UNC5A: variants seen among roughly 807,000 people sequenced by gnomAD.
UNC5A encodes the protein netrin receptor UNC5A.
Under a neutral mutation model 87.4 loss-of-function variants are expected in UNC5A, and 20 were observed. The observed-to-expected ratio is 0.23, with a 90% CI of 0.16 to 0.33. The LOEUF is 0.33. Ranked by LOEUF, UNC5A falls within the 10% of genes least tolerant of loss-of-function variation. UNC5A has a pLI of 1.00. For missense variants in UNC5A, 844 were observed against 1,133.4 expected, an observed-to-expected ratio of 0.74 and a Z score of 3.67; for synonymous variants, 438 against 482.3, an observed-to-expected ratio of 0.91 and a Z score of 1.20.
At chr5:176,868,488 C>A in intron 3 of UNC5A, 73 bp from the exon 4 acceptor site, 1 of 1,510,494 alleles carries the variant, frequency 6.6e-7, no homozygotes, top group Non-Finnish European at 9.0e-7. Context: ...CCCTGCAGGA[C>A]AAGGGACACA....
intron 1 of UNC5A, among the ~76,000 whole-genome samples, chr5:176,817,123 C>T (rs1756607457): frequency 6.6e-6 from 1 of 152,210 alleles, no homozygotes; most frequent in Non-Finnish European, 1.5e-5. Flanking sequence ...GAGGCCCCTG[C>T]TTCTGTGCTG....
chr5:176,858,976 C>T (rs897399447), intron 1 of UNC5A, among the ~76,000 whole-genome samples: 2 of 152,146 alleles, frequency 1.3e-5, no homozygotes, highest in East Asian at 1.9e-4. Context: ...ACAGTGAGCT[C>T]GGGGGCCAGA....
chr5:176,868,322 C>T (rs367946633), intron 3 of UNC5A, 49 bp downstream of exon 3: 88 of 1,608,082 alleles, frequency 5.5e-5, no homozygotes, highest in African/African-American at 3.9e-4. Context: ...GGGAGGGTGT[C>T]ACCAGGAGAG....
intron 9 of UNC5A, 123 bp downstream of exon 9, chr5:176,877,402 C>T: frequency 7.5e-7 from 1 of 1,331,172 alleles, no homozygotes; most frequent in African/African-American, 1.5e-5. Context: ...AGAGCTATGC[C>T]TAAGCCCCAC....
rs1758226527 is a variant in UNC5A at position 176,875,032 on chromosome 5, G to A, written c.1378+466G>A. Among the ~76,000 whole-genome samples the A allele has an allele frequency of 6.6e-6, 1 of 152,124 alleles. No individual in the cohort carries two copies. Among genetic ancestry groups the A allele is most frequent in the South Asian group, 2.1e-4 (1 of 4,822 alleles). On this transcript the variant is annotated intron_variant, in intron 8 of 14. Coordinates refer to ENST00000329542, the MANE Select transcript of UNC5A (RefSeq NM_133369.3). The surrounding 1 kb of genome is among the most constrained non-coding windows in gnomAD (Gnocchi z 5.2). ...CTTGCAAGAAGTGGCTGCAGCCTCT[G>A]GCATGGCTGGCCACTCCCACCCGAA...
At position 176,874,697 on chromosome 5, in the gene UNC5A, G is replaced by C. The variant is rs1046280819; in HGVS notation, c.1378+131G>C. 2.7e-6 allele frequency: 3 copies of C among 1,113,570 alleles called. No individual in the cohort carries two copies. The African/African-American group carries it at 4.8e-5, about 18-fold the overall frequency. 69.0% of individuals were successfully genotyped at this position (1,113,570 alleles called of 1,614,324 possible). Reference sequence around the variant, plus strand: ...CAAGGAAAGGGGGTGGAGTTTTGGGGAGAACCCAGTCTTGGCTGGCACCGA... The same window carrying C: ...CAAGGAAAGGGGGTGGAGTTTTGGGCAGAACCCAGTCTTGGCTGGCACCGA... On this transcript the variant is annotated intron_variant, in intron 8 of 14. Coordinates refer to ENST00000329542, the MANE Select transcript of UNC5A (RefSeq NM_133369.3). This position sits in a 1 kb window ranked among gnomAD's most constrained non-coding sequence, Gnocchi z 7.6.
At chr5:176,849,595 C>T (rs1757491458) in intron 1 of UNC5A, among the ~76,000 whole-genome samples, 1 of 152,168 alleles carries the variant, frequency 6.6e-6, no homozygotes, top group Admixed American at 6.5e-5. Flanking sequence ...AAAAATGGTG[C>T]ACCTCTCATC....
At chr5:176,816,818 C>T (rs952947747) in intron 1 of UNC5A, among the ~76,000 whole-genome samples, 4 of 152,236 alleles carry the variant, frequency 2.6e-5, no homozygotes, top group Admixed American at 2.6e-4. Context: ...TCCTCTCCTT[C>T]GGGAAGTGGG....
chr5:176,877,170 G>T (rs377208086), intron 8 of UNC5A, 22 bp from the exon 9 acceptor site: 1 of 1,591,162 alleles, frequency 6.3e-7, no homozygotes, highest in Non-Finnish European at 8.6e-7. Flanking sequence ...GGTAAGCCCT[G>T]GCCCTCTTCC....
At chr5:176,849,001 G>A (rs1757479324) in intron 1 of UNC5A, among the ~76,000 whole-genome samples, 1 of 152,218 alleles carries the variant, frequency 6.6e-6, no homozygotes. Context: ...GGGCTCTGAT[G>A]AGGAGGGTTC....
In UNC5A at chr5:176,865,332, G is replaced by T. The variant is rs1293765895; in HGVS notation, c.292+2487G>T. Among the ~76,000 whole-genome samples, 1 of 152,176 alleles carries T rather than the reference G, an allele frequency of 6.6e-6. No homozygotes were observed. The highest frequency in any genetic ancestry group is 1.5e-5 in the Non-Finnish European group (1 of 68,032). ...CTGAAACACCCCTGCCATTATGAGG[G>T]CTCAGATCCATGGACTGGCAGGAAC... On this transcript the variant is annotated intron_variant, in intron 2 of 14. Coordinates refer to ENST00000329542, the MANE Select transcript of UNC5A (RefSeq NM_133369.3). The surrounding 1 kb of genome is among the most constrained non-coding windows in gnomAD (Gnocchi z 5.3).
rs546467991 is a variant in UNC5A, at chr5:176,836,145, A to T, written c.70+25325A>T. ...GGACAGAGAATGGCCAGCAGGCTTT[A>T]GTCTGGGGAGAATGATATGGACGAA... On this transcript the variant is annotated intron_variant, in intron 1 of 14. Transcript: ENST00000329542. Among the ~76,000 whole-genome samples the T allele has an allele frequency of 3.3e-4, 50 of 152,310 alleles. 1 individual carries two copies. The South Asian group carries it at 9.3e-3, about 28-fold the overall frequency.
intron 10 of UNC5A, 55 bp from the exon 11 acceptor site, chr5:176,877,839 C>A: frequency 6.5e-7 from 1 of 1,540,330 alleles, no homozygotes; most frequent in South Asian, 1.2e-5. Flanking sequence ...GAAGCCACAG[C>A]TGGCCCTAGG....
intron 1 of UNC5A, among the ~76,000 whole-genome samples, chr5:176,859,668 G>A (rs1757781954): frequency 9.3e-6 from 1 of 107,790 alleles, no homozygotes; most frequent in African/African-American, 3.1e-5. Flanking sequence ...GGGCATAGCT[G>A]CTAGAATGTC....
At chr5:176,816,659 GTTTCC>G (rs1249674377) in intron 1 of UNC5A, among the ~76,000 whole-genome samples, 1 of 152,264 alleles carries the variant, frequency 6.6e-6, no homozygotes, top group Non-Finnish European at 1.5e-5. Context: ...CATGGCTTCA[GTTTCC>G]TTGTCTGTAC....
At chr5:176,877,170 G>A (rs377208086) in intron 8 of UNC5A, 22 bp from the exon 9 acceptor site, 4 of 1,591,280 alleles carry the variant, frequency 2.5e-6, no homozygotes, top group South Asian at 2.2e-5. Context: ...GGTAAGCCCT[G>A]GCCCTCTTCC....
chr5:176,861,391 C>T (rs576063220), intron 1 of UNC5A, among the ~76,000 whole-genome samples: 4 of 152,190 alleles, frequency 2.6e-5, no homozygotes, highest in African/African-American at 9.7e-5. Flanking sequence ...ACCCTCGGTC[C>T]GAGCCTGCCC....
intron 2 of UNC5A, 51 bp from the exon 3 acceptor site, chr5:176,868,079 G>C (rs1758017746): frequency 6.3e-7 from 1 of 1,576,638 alleles, no homozygotes; most frequent in Non-Finnish European, 8.6e-7. Flanking sequence ...CCCACACACA[G>C]AAGCTCAGGG....
At chr5:176,833,606 C>G (rs1041857632) in intron 1 of UNC5A, among the ~76,000 whole-genome samples, 2 of 152,214 alleles carry the variant, frequency 1.3e-5, no homozygotes, top group African/African-American at 2.4e-5. Context: ...CTGCAGGACC[C>G]CAGCTTCCTC....
Sources: allele counts gnomAD v4.1 joint callset (sites outside exome capture counted in the v4.1 genomes callset), GRCh38; gene constraint gnomAD v4.1.1; non-coding constraint Gnocchi (gnomAD v3.1); transcripts MANE v1.5; gene names NCBI Gene and HGNC (gene_info 2026-07-23, HGNC 2026-07-21).